The following LIMS1 variants were observed in gnomAD, a reference collection of about 807,000 sequenced individuals.
The protein encoded by LIMS1 is LIM zinc finger domain containing 1, also known as LIM and senescent cell antigen-like-containing domain protein 1.
A neutral mutation model predicts 44.1 loss-of-function variants in LIMS1; 18 were observed. The observed-to-expected ratio is 0.41, with a 90% CI of 0.28 to 0.61. The LOEUF (loss-of-function observed/expected upper bound fraction) is 0.61, where lower values mean the gene tolerates loss of function less well. Ranked by LOEUF, LIMS1 falls within the 20% of genes least tolerant of loss-of-function variation. The pLI, the probability that LIMS1 is intolerant of heterozygous loss-of-function variation, is 0.32. For missense variants in LIMS1, 201 were observed against 422.0 expected (o/e 0.48, Z 4.59); for synonymous variants, 93 against 149.1 (o/e 0.62, Z 2.74).
At chr2:108,665,536 A>T (rs1558836648) in intron 2 of LIMS1, among the ~76,000 whole-genome samples, 2 of 151,468 alleles carry the variant, frequency 1.3e-5, no homozygotes, top group Non-Finnish European at 2.9e-5. Flanking sequence ...TTATTTATTT[A>T]TTTTTTTTGA....
intron 2 of LIMS1, among the ~76,000 whole-genome samples, chr2:108,663,775 A>G (rs1691544435): frequency 6.6e-6 from 1 of 150,952 alleles, no homozygotes; most frequent in Non-Finnish European, 1.5e-5. Flanking sequence ...TTTTTTTGAG[A>G]CAGAGTTTCA....
At chr2:108,687,048 T>C (rs1281669616) in exon 10 of LIMS1, 2 of 152,340 alleles carry the variant, frequency 1.3e-5, no homozygotes, top group African/African-American at 4.8e-5. Flanking sequence ...ACCTGAATAA[T>C]AGGTCATTTT....
At chr2:108,611,952 C>A in intron 1 of LIMS1, among the ~76,000 whole-genome samples, 1 of 139,704 alleles carries the variant, frequency 7.2e-6, no homozygotes, top group Non-Finnish European at 1.5e-5. Flanking sequence ...AATATATATA[C>A]ATATATTATA....
At chr2:108,624,387 G>T (rs1328617666) in intron 1 of LIMS1, among the ~76,000 whole-genome samples, 1 of 152,208 alleles carries the variant, frequency 6.6e-6, no homozygotes, top group Non-Finnish European at 1.5e-5. Flanking sequence ...GCCTCAGATA[G>T]AAGGGATCTA....
intron 1 of LIMS1, among the ~76,000 whole-genome samples, chr2:108,580,660 C>T (rs1365445204): frequency 1.3e-5 from 2 of 152,126 alleles, no homozygotes; most frequent in Non-Finnish European, 2.9e-5. Context: ...GATTCAGAAA[C>T]AGTTAAGAGG....
At chr2:108,686,792 T>C (rs926809003) in exon 10 of LIMS1, 1 of 142,786 alleles carries the variant, frequency 7.0e-6, no homozygotes, top group South Asian at 2.3e-4. Context: ...AAAAAAAAAG[T>C]GTAAGTGGAT....
intron 5 of LIMS1, 126 bp downstream of exon 5, chr2:108,673,155 C>T: frequency 7.2e-7 from 1 of 1,389,870 alleles, no homozygotes; most frequent in Non-Finnish European, 9.9e-7. Flanking sequence ...AATTTTAAAC[C>T]TATAGACGAG....
In LIMS1 at chr2:108,677,622, C is replaced by T. The variant is rs182592194; in HGVS notation, c.775-357C>T. On this transcript the variant is annotated intron_variant, in intron 7 of 9. Transcript: ENST00000544547. ...TGCGCCAGCTGCAAACGACACTTCT[C>T]CAGCCCCATGCCCTCCACCCATAGT... is the stretch of plus-strand genomic sequence containing the variant. 6.6e-3 allele frequency: 1,660 copies of T among 251,228 alleles called. 12 individuals are homozygous for T. The highest frequency in any genetic ancestry group is 0.01 in the Non-Finnish European group (1,337 of 133,518). 15.6% of individuals were successfully genotyped at this position (251,228 alleles called of 1,614,324 possible).
At chr2:108,552,384 A>C (rs1394017484) in intron 1 of LIMS1, among the ~76,000 whole-genome samples, 1 of 144,406 alleles carries the variant, frequency 6.9e-6, no homozygotes, top group Non-Finnish European at 1.5e-5. Context: ...TATATATATG[A>C]AACTATATAT....
intron 2 of LIMS1, among the ~76,000 whole-genome samples, chr2:108,665,752 C>G (rs1427879962): frequency 6.6e-6 from 1 of 151,940 alleles, no homozygotes; most frequent in Non-Finnish European, 1.5e-5. Flanking sequence ...TATCGAACTC[C>G]TGATCTCATT....
intron 1 of LIMS1, 135 bp downstream of exon 1, chr2:108,534,729 C>G (rs1285489120): frequency 3.0e-6 from 1 of 334,256 alleles, no homozygotes; most frequent in Non-Finnish European, 4.3e-6. Context: ...GGCCGGAGCC[C>G]CGACCCCCAG....
At chr2:108,587,274 G>GTTGTT (rs1430389071) in intron 1 of LIMS1, among the ~76,000 whole-genome samples, 1 of 147,992 alleles carries the variant, frequency 6.8e-6, no homozygotes, top group Non-Finnish European at 1.5e-5. Flanking sequence ...AAAGTGATGA[G>GTTGTT]TTGTTTTCTT....
At position 108,669,553 on chromosome 2, in the gene LIMS1, C is replaced by A. The variant is rs2912862; in HGVS notation, c.193-1228C>A. ...GCCATAATTTGAGGAAATTGAGTTGCCAACTGATACATTAAAAATGGATAT... is the reference window on the plus strand; with the variant it reads ...GCCATAATTTGAGGAAATTGAGTTGACAACTGATACATTAAAAATGGATAT... On this transcript the variant is annotated intron_variant, in intron 2 of 9. Transcript: ENST00000544547. Among the ~76,000 whole-genome samples, 791 of 151,832 alleles carry A rather than the reference C, an allele frequency of 5.2e-3. 8 individuals are homozygous for A. The highest frequency in any genetic ancestry group is 0.015 in the African/African-American group (625 of 41,426).
intron 1 of LIMS1, among the ~76,000 whole-genome samples, chr2:108,640,293 T>C (rs1689578942): frequency 6.6e-6 from 1 of 152,210 alleles, no homozygotes; most frequent in Admixed American, 6.5e-5. Flanking sequence ...AGATATTTGT[T>C]GGTTGGTTCA....
intron 5 of LIMS1, among the ~76,000 whole-genome samples, chr2:108,674,298 C>T (rs1007457615): frequency 4.0e-5 from 6 of 151,748 alleles, no homozygotes; most frequent in South Asian, 2.1e-4. Context: ...CCACTGCACT[C>T]GAACCTGGGA....
At chr2:108,604,062 A>G (rs1313013852) in intron 1 of LIMS1, among the ~76,000 whole-genome samples, 6 of 151,918 alleles carry the variant, frequency 3.9e-5, no homozygotes, top group Non-Finnish European at 8.8e-5. Flanking sequence ...GAAATTTTTC[A>G]TTTTCCTTAA....
intron 6 of LIMS1, 74 bp downstream of exon 6, chr2:108,676,102 T>C (rs941633906): frequency 1.1e-4 from 167 of 1,484,036 alleles, no homozygotes; most frequent in Non-Finnish European, 6.8e-5. Flanking sequence ...TACTTTCAGA[T>C]CTCCCATGAT....
intron 1 of LIMS1, among the ~76,000 whole-genome samples, chr2:108,540,840 C>T (rs1399206669): frequency 6.6e-6 from 1 of 152,156 alleles, no homozygotes; most frequent in Non-Finnish European, 1.5e-5. Flanking sequence ...TGTGGGGTCT[C>T]CTCTGCTATA....
intron 2 of LIMS1, among the ~76,000 whole-genome samples, chr2:108,663,741 T>C (rs572907410): frequency 2.7e-4 from 41 of 152,158 alleles, no homozygotes; most frequent in African/African-American, 8.2e-4. Flanking sequence ...ACCCATTTTT[T>C]TAATTTTTTA....
Sources: allele counts gnomAD v4.1 joint callset (sites outside exome capture counted in the v4.1 genomes callset), GRCh38; gene constraint gnomAD v4.1.1; transcripts MANE v1.5; gene names NCBI Gene and HGNC (gene_info 2026-07-23, HGNC 2026-07-21).